FAM234B: variants seen among roughly 807,000 people sequenced by gnomAD.
FAM234B encodes family with sequence similarity 234 member B.
In FAM234B, 33 loss-of-function variants were observed where a neutral mutation model predicts 69.3. The ratio of observed to expected loss-of-function variants is 0.48; its 90% confidence interval spans 0.36 to 0.64. The LOEUF (loss-of-function observed/expected upper bound fraction) is 0.64, where lower values mean the gene tolerates loss of function less well. FAM234B is among the 30% of genes least tolerant of loss of function. The probability of loss-of-function intolerance (pLI) is 0.00; values close to 1 mark genes in which losing one functional copy is unlikely to be tolerated. For synonymous variants in FAM234B, 306 were observed against 306.9 expected, an observed-to-expected ratio of 1.00 and a Z score of 0.03; for missense variants, 697 against 769.7, an observed-to-expected ratio of 0.91 and a Z score of 1.12.
rs142827879 is a variant in FAM234B at position 13,070,339 on chromosome 12, A to G, written c.1369-902A>G. Among the ~76,000 whole-genome samples the G allele has an allele frequency of 5.1e-3, 776 of 151,878 alleles. 7 individuals are homozygous for G. Among genetic ancestry groups the G allele is most frequent in the African/African-American group, 0.018 (725 of 41,418 alleles). ...TTTTCTTTCTCTGCTGGTTGAGAAGATTTTGTCTCTGCCGGGTTGGTTCCA... is the reference window on the plus strand; with the variant it reads ...TTTTCTTTCTCTGCTGGTTGAGAAGGTTTTGTCTCTGCCGGGTTGGTTCCA... On this transcript the variant is annotated intron_variant, in intron 9 of 12. Coordinates refer to ENST00000197268, the MANE Select transcript of FAM234B (RefSeq NM_020853.2).
At chr12:13,075,094 G>A (rs564348207) in intron 10 of FAM234B, among the ~76,000 whole-genome samples, 7 of 152,306 alleles carry the variant, frequency 4.6e-5, no homozygotes, top group African/African-American at 1.4e-4. Context: ...TAGTCCCAAT[G>A]TGCATTTCTT....
chr12:13,048,782 A>G (rs1307307856), intron 1 of FAM234B, among the ~76,000 whole-genome samples: 1 of 152,224 alleles, frequency 6.6e-6, no homozygotes, highest in Non-Finnish European at 1.5e-5. Context: ...GGCAATTTAT[A>G]AAAGAAAGAG....
rs76010975 is a variant in FAM234B, at chr12:13,074,857, C to T, written c.1525-1169C>T. Among the ~76,000 whole-genome samples the T allele has an allele frequency of 5.5e-3, 844 of 152,172 alleles. 22 individuals carry two copies. In the East Asian group the frequency reaches 0.06, roughly 11 times the overall value. On this transcript the variant is annotated intron_variant, in intron 10 of 12. Transcript: ENST00000197268. Reference sequence around the variant, plus strand: ...CACTTGGGGACTTCTTCCCATGCAGCGATATGGAAGCAGGGGTAATATTCA... The same window carrying T: ...CACTTGGGGACTTCTTCCCATGCAGTGATATGGAAGCAGGGGTAATATTCA...
In FAM234B at chr12:13,052,076, A is replaced by G. The variant is rs571153894; in HGVS notation, c.38-3475A>G. 3.9e-5 allele frequency among the ~76,000 whole-genome samples: 6 copies of G among 152,300 alleles called. No homozygotes were observed. The South Asian group carries it at 1.2e-3, about 32-fold the overall frequency. On this transcript the variant is annotated intron_variant, in intron 1 of 12. Transcript: ENST00000197268. ...TGATTGTGAAGACTTGAGCTCTTAA[A>G]TACCATATCATATGTCTCTTATGAT...
At chr12:13,060,603 T>C (rs1864974116) in intron 3 of FAM234B, among the ~76,000 whole-genome samples, 1 of 152,214 alleles carries the variant, frequency 6.6e-6, no homozygotes, top group Non-Finnish European at 1.5e-5. Flanking sequence ...ATATATCTTC[T>C]GGCAACAGGG....
rs544692758 is a variant in FAM234B, at chr12:13,050,365, C to T, written c.38-5186C>T. On this transcript the variant is annotated intron_variant, in intron 1 of 12. Coordinates refer to ENST00000197268, the MANE Select transcript of FAM234B (RefSeq NM_020853.2). ...GTTTGGCTTCTGTATCCTGACTGGG[C>T]CCAGTCAGAGTGATTATGCCCAGTT... Among the ~76,000 whole-genome samples the T allele has an allele frequency of 6.6e-5, 10 of 152,208 alleles. No homozygotes were observed. In the South Asian group the frequency reaches 2.1e-3, roughly 32 times the overall value.
intron 1 of FAM234B, among the ~76,000 whole-genome samples, chr12:13,050,410 C>T (rs1414771149): frequency 6.6e-6 from 1 of 152,170 alleles, no homozygotes; most frequent in East Asian, 1.9e-4. Context: ...ACCTGCCGTC[C>T]TGACAGTGTG....
chr12:13,046,761 A>C (rs1033462154), intron 1 of FAM234B, among the ~76,000 whole-genome samples: 13 of 152,164 alleles, frequency 8.5e-5, no homozygotes, highest in Non-Finnish European at 1.2e-4. Flanking sequence ...GTCTGGCCCC[A>C]ACATCCCCAC....
Position 13,062,877 on chromosome 12 carries a change from T to C in FAM234B, c.754T>C (p.Leu252=), listed in dbSNP as rs760307593. The C allele has an allele frequency of 6.2e-7, 1 of 1,614,068 alleles. No individual in the cohort carries two copies. The highest frequency in any genetic ancestry group is 1.1e-5 in the South Asian group (1 of 91,076). Residue 252 remains leucine, a synonymous_variant, in exon 5 of 13, where the codon TTG becomes CTG. Transcript: ENST00000197268. The part of the protein sequence containing the change: ...KAIWTLNPNY[L]SNGTLAAPVV... ...CATTTGGACTTTAAACCCAAACTAC[T>C]TGTCCAACGGTACCTTGGCTGCCCC...
chr12:13,065,901 C>T (rs1012784644), intron 5 of FAM234B, among the ~76,000 whole-genome samples: 1 of 152,150 alleles, frequency 6.6e-6, no homozygotes, highest in African/African-American at 2.4e-5. Context: ...TTACTGAAGT[C>T]AAGATATCAG....
chr12:13,067,432 C>G lies in FAM234B; in HGVS notation c.1142+136C>G. ...AACAGTGCTTATCTTAATTTACCATCTTCTGATCTGGTTAACATGAGTTAG... is the reference window on the plus strand; with the variant it reads ...AACAGTGCTTATCTTAATTTACCATGTTCTGATCTGGTTAACATGAGTTAG... On this transcript the variant is annotated intron_variant, in intron 7 of 12. Coordinates refer to ENST00000197268, the MANE Select transcript of FAM234B (RefSeq NM_020853.2). This position sits in a 1 kb window ranked among gnomAD's most constrained non-coding sequence, Gnocchi z 4.7. 1 of 898,140 alleles carries G rather than the reference C, an allele frequency of 1.1e-6. No homozygotes were observed. Among genetic ancestry groups the G allele is most frequent in the South Asian group, 1.7e-5 (1 of 59,804 alleles). The allele number at this position is 898,140 out of a possible 1,614,324, so 55.6% of individuals were successfully genotyped here. A position where few individuals can be genotyped will look rare whatever the true frequency, so the allele number is the denominator to read the frequency against.
intron 1 of FAM234B, among the ~76,000 whole-genome samples, chr12:13,045,340 A>C (rs1297093818): frequency 1.3e-5 from 2 of 152,174 alleles, no homozygotes; most frequent in Non-Finnish European, 2.9e-5. Context: ...CTTTAGAAAA[A>C]TTGATGGCTC....
At chr12:13,069,670 G>A (rs1025286447) in intron 9 of FAM234B, among the ~76,000 whole-genome samples, 1 of 152,150 alleles carries the variant, frequency 6.6e-6, no homozygotes, top group Admixed American at 6.5e-5. Context: ...AGAATCATGA[G>A]AGCAGAGAAA....
chr12:13,074,114 A>G (rs1012226461), intron 10 of FAM234B, among the ~76,000 whole-genome samples: 2 of 152,190 alleles, frequency 1.3e-5, no homozygotes, highest in Admixed American at 1.3e-4. Context: ...GGTGCCTCAG[A>G]CTAGCTCCTG....
chr12:13,067,156 AAATAT>A lies in FAM234B; in HGVS notation c.1004_1008del (p.Asn335ThrfsTer39). 6.2e-7 allele frequency: 1 copy of A among 1,613,988 alleles called. No homozygotes were observed. The highest frequency in any genetic ancestry group is 1.1e-5 in the South Asian group (1 of 91,070). On this transcript the variant is annotated frameshift_variant and splice_region_variant, in exon 7 of 13. Transcript: ENST00000197268. LOFTEE classifies it high-confidence loss of function. The surrounding 1 kb of genome is among the most constrained non-coding windows in gnomAD (Gnocchi z 4.7). Reference sequence around the variant, plus strand: ...GTGTTGGTTCTTCTGTGGTGCTAGGAAATATACAAGCTGTCGCACTGCGGGACATT... The same window carrying A: ...GTGTTGGTTCTTCTGTGGTGCTAGGAACAAGCTGTCGCACTGCGGGACATT...
chr12:13,045,210 GTTTTTTTTCCTTTTTTT>G (rs1307568426), intron 1 of FAM234B, among the ~76,000 whole-genome samples: 1 of 142,488 alleles, frequency 7.0e-6, no homozygotes, highest in East Asian at 2.2e-4. Flanking sequence ...GCAGCTCCAA[GTTTTTTTTCCTTTTTTT>G]TTTTTTTTCC....
chr12:13,061,840 GA>G, intron 4 of FAM234B, 77 bp downstream of exon 4: 1 of 1,241,804 alleles, frequency 8.1e-7, no homozygotes, highest in South Asian at 1.4e-5. Flanking sequence ...TTGGGTAGGG[GA>G]CCTTTTGACT....
At chr12:13,048,464 T>G (rs1418705242) in intron 1 of FAM234B, among the ~76,000 whole-genome samples, 6 of 151,966 alleles carry the variant, frequency 3.9e-5, no homozygotes, top group Admixed American at 3.3e-4. Flanking sequence ...TTGTAGGAAG[T>G]TTTTTTTGGC....
intron 11 of FAM234B, 124 bp downstream of exon 11, chr12:13,076,267 A>T: frequency 1.3e-6 from 1 of 759,506 alleles, no homozygotes; most frequent in Non-Finnish European, 2.2e-6. Context: ...ACAGCAGGGC[A>T]CTTTCCCTGG....
Sources: allele counts gnomAD v4.1 joint callset (sites outside exome capture counted in the v4.1 genomes callset), GRCh38; gene constraint gnomAD v4.1.1; non-coding constraint Gnocchi (gnomAD v3.1); transcripts MANE v1.5; gene names NCBI Gene and HGNC (gene_info 2026-07-23, HGNC 2026-07-21).